The following SP140L variants were observed in gnomAD, a reference collection of about 807,000 sequenced individuals.
SP140L encodes the protein nuclear body protein SP140-like protein.
A neutral mutation model predicts 84.3 loss-of-function variants in SP140L; 64 were observed. That is an observed-to-expected ratio of 0.76 (90% CI 0.62 to 0.94). SP140L has a LOEUF of 0.94. SP140L is among the 40% of genes least tolerant of loss of function. The pLI is 0.00. For missense variants in SP140L, 628 were observed against 692.5 expected (o/e 0.91, Z 1.05); for synonymous variants, 242 against 236.9 (o/e 1.02, Z -0.20).
At chr2:230,384,313 A>C (rs2061499490) in intron 8 of SP140L, among the ~76,000 whole-genome samples, 1 of 152,220 alleles carries the variant, frequency 6.6e-6, no homozygotes, top group African/African-American at 2.4e-5. Flanking sequence ...GGCTATCTCT[A>C]GATGATGATG....
intron 2 of SP140L, among the ~76,000 whole-genome samples, chr2:230,344,561 AT>A (rs1256852666): frequency 3.9e-5 from 6 of 152,172 alleles, no homozygotes; most frequent in Non-Finnish European, 8.8e-5. Flanking sequence ...TCCTGCCACC[AT>A]GATGCTAGCT....
intron 12 of SP140L, among the ~76,000 whole-genome samples, 192 bp from the exon 13 acceptor site, chr2:230,393,222 A>G (rs1175880818): frequency 6.6e-6 from 1 of 152,120 alleles, no homozygotes; most frequent in African/African-American, 2.4e-5. Flanking sequence ...CCTGAAAATG[A>G]TTTTCTGGCT....
intron 7 of SP140L, among the ~76,000 whole-genome samples, chr2:230,379,399 G>A (rs1233545657): frequency 1.3e-5 from 2 of 151,838 alleles, no homozygotes; most frequent in African/African-American, 2.4e-5. Context: ...TATTAATCAT[G>A]CCCCAAACCC....
chr2:230,354,662 T>C (rs1255009818), intron 2 of SP140L, among the ~76,000 whole-genome samples: 1 of 151,482 alleles, frequency 6.6e-6, no homozygotes, highest in Non-Finnish European at 1.5e-5. Context: ...TAGTCCTAGC[T>C]ATTCAGGAAG....
chr2:230,355,529 C>A (rs1033398667), intron 2 of SP140L, among the ~76,000 whole-genome samples: 6 of 152,136 alleles, frequency 3.9e-5, no homozygotes, highest in African/African-American at 1.2e-4. Flanking sequence ...AAAGGCTTTT[C>A]TCATAGAAAT....
chr2:230,401,253 C>G, intron 16 of SP140L, 113 bp from the exon 17 acceptor site: 1 of 1,570,326 alleles, frequency 6.4e-7, no homozygotes, highest in Non-Finnish European at 8.6e-7. Context: ...TTCCAAGAGC[C>G]ACACATGTTA....
At chr2:230,392,918 AG>A (rs1249311134) in intron 12 of SP140L, among the ~76,000 whole-genome samples, 1 of 152,096 alleles carries the variant, frequency 6.6e-6, no homozygotes, top group African/African-American at 2.4e-5. Context: ...CTCCCTTCCC[AG>A]GGTTCCTGAG....
At chr2:230,371,880 G>C (rs564879079) in intron 7 of SP140L, 1 of 493,386 alleles carries the variant, frequency 2.0e-6, no homozygotes, top group Non-Finnish European at 3.7e-6. Context: ...ACCTTGAAAT[G>C]GGGAGATGAT....
chr2:230,356,560 G>T (rs976472201), intron 2 of SP140L, among the ~76,000 whole-genome samples: 4 of 152,194 alleles, frequency 2.6e-5, no homozygotes, highest in Non-Finnish European at 4.4e-5. Context: ...TGACAGCAAT[G>T]GTTGCCCCCT....
In SP140L at chr2:230,396,758, G is replaced by A. The variant is rs200142625; in HGVS notation, c.1157G>A (p.Arg386Lys). The change falls in exon 14 of 19, where the codon AGA becomes AAA. Residue 386 changes from arginine to lysine, a missense_variant and splice_region_variant. Transcript: ENST00000415673. Reference protein sequence around the residue: ...PPRIYYRNKKRILKSQNNSSV... With the variant: ...PPRIYYRNKKKILKSQNNSSV... ...TCAATCTTTCTGTTTTTTCAACAGA[G>A]AATACTGAAGTCTCAAAACAATAGC... The A allele has an allele frequency of 9.4e-5, 151 of 1,613,590 alleles. No individual in the cohort carries two copies. The highest frequency in any genetic ancestry group is 3.3e-4 in the Middle Eastern group (2 of 6,062).
At chr2:230,340,349 T>A (rs2060003874) in intron 2 of SP140L, among the ~76,000 whole-genome samples, 1 of 148,180 alleles carries the variant, frequency 6.7e-6, no homozygotes, top group Non-Finnish European at 1.5e-5. Context: ...GCTTGGTAGA[T>A]CTTCCTCCAT....
At chr2:230,345,013 G>A (rs1247367591) in intron 2 of SP140L, among the ~76,000 whole-genome samples, 2 of 152,138 alleles carry the variant, frequency 1.3e-5, no homozygotes, top group East Asian at 1.9e-4. Flanking sequence ...TGTCTTTTAG[G>A]TCCATTTGAT....
At chr2:230,396,857 T>A (rs766740316) in intron 14 of SP140L, 59 bp downstream of exon 14, 125 of 1,597,146 alleles carry the variant, frequency 7.8e-5, no homozygotes, top group Non-Finnish European at 9.4e-5. Context: ...TCCAGGCATA[T>A]GTTCTGTGTC....
chr2:230,376,821 A>G (rs933262648), intron 7 of SP140L, among the ~76,000 whole-genome samples: 2 of 152,208 alleles, frequency 1.3e-5, no homozygotes, highest in African/African-American at 2.4e-5. Context: ...ATTTTAAACT[A>G]TATTACAAAG....
intron 2 of SP140L, among the ~76,000 whole-genome samples, chr2:230,335,326 C>T (rs1559402721): frequency 6.6e-6 from 1 of 152,176 alleles, no homozygotes; most frequent in Admixed American, 6.5e-5. Flanking sequence ...CTAATAAATG[C>T]ATGTTAGGCC....
chr2:230,357,420 G>GCT (rs2060581265), intron 2 of SP140L, among the ~76,000 whole-genome samples: 1 of 151,946 alleles, frequency 6.6e-6, no homozygotes, highest in African/African-American at 2.4e-5. Context: ...GCATTTTCAA[G>GCT]GTTAGATTTT....
At chr2:230,396,487 T>C (rs1023604769) in intron 13 of SP140L, among the ~76,000 whole-genome samples, 1 of 152,228 alleles carries the variant, frequency 6.6e-6, no homozygotes, top group African/African-American at 2.4e-5. Context: ...TAATGGATTA[T>C]CATGGAAAGA....
intron 12 of SP140L, among the ~76,000 whole-genome samples, chr2:230,392,825 T>C (rs1343936820): frequency 6.6e-6 from 1 of 152,234 alleles, no homozygotes; most frequent in Non-Finnish European, 1.5e-5. Context: ...TCTCCCCTGC[T>C]AGCAAACCTA....
intron 5 of SP140L, among the ~76,000 whole-genome samples, chr2:230,369,286 C>T (rs555328310): frequency 6.6e-6 from 1 of 152,166 alleles, no homozygotes; most frequent in Admixed American, 6.5e-5. Flanking sequence ...CTTCAGTGAG[C>T]CTGAAGACCA....
Sources: allele counts gnomAD v4.1 joint callset (sites outside exome capture counted in the v4.1 genomes callset), GRCh38; gene constraint gnomAD v4.1.1; transcripts MANE v1.5; gene names NCBI Gene and HGNC (gene_info 2026-07-23, HGNC 2026-07-21).